The following IGF2R variants were observed in gnomAD, a reference collection of about 807,000 sequenced individuals.
IGF2R encodes the protein cation-independent mannose-6-phosphate receptor.
IGF2R carries 91 observed loss-of-function variants against 270.6 expected under a neutral mutation model. The observed-to-expected ratio is 0.34, with a 90% CI of 0.28 to 0.40. The LOEUF (loss-of-function observed/expected upper bound fraction) is 0.40. Ranked by LOEUF, IGF2R falls within the 10% of genes least tolerant of loss-of-function variation. IGF2R has a pLI of 1.00. For synonymous variants in IGF2R, 1,316 were observed against 1,258.9 expected, an observed-to-expected ratio of 1.05 and a Z score of -0.96; for missense variants, 2,805 against 3,188.3, an observed-to-expected ratio of 0.88 and a Z score of 2.90.
chr6:160,047,398 A>G lies in IGF2R; in HGVS notation c.2229+62A>G, dbSNP rs6413490. The G allele has an allele frequency of 2.1e-4, 291 of 1,365,014 alleles. 3 individuals carry two copies. The East Asian group carries it at 6.2e-3, about 29-fold the overall frequency. 84.6% of individuals were successfully genotyped at this position (1,365,014 alleles called of 1,614,324 possible). ...TACTCATGCCTGTGGTGGGCCTTTC[A>G]TTTAAGCAGAGCTTGTATCAGTCTG... On this transcript the variant is annotated intron_variant, in intron 16 of 47. Coordinates refer to ENST00000356956, the MANE Select transcript of IGF2R (RefSeq NM_000876.4).
chr6:160,084,322 A>G lies in IGF2R; in HGVS notation c.6068+138A>G. On this transcript the variant is annotated intron_variant, in intron 40 of 47. Coordinates refer to ENST00000356956, the MANE Select transcript of IGF2R (RefSeq NM_000876.4). The surrounding 1 kb of genome is among the most constrained non-coding windows in gnomAD (Gnocchi z 4.6). Reference sequence around the variant, plus strand: ...TGAGGCTGATGGTGGTTGAGTTGTGACTGTTCCTGGAAGCAGCCCGCAGTG... The same window carrying G: ...TGAGGCTGATGGTGGTTGAGTTGTGGCTGTTCCTGGAAGCAGCCCGCAGTG... The G allele has an allele frequency of 1.6e-6, 1 of 630,482 alleles. No individual in the cohort carries two copies. Among genetic ancestry groups the G allele is most frequent in the South Asian group, 1.9e-5 (1 of 52,564 alleles). 39.1% of individuals were successfully genotyped at this position (630,482 alleles called of 1,614,324 possible).
At chr6:159,986,398 A>ATTTTT (rs1367635413) in intron 1 of IGF2R, among the ~76,000 whole-genome samples, 6 of 123,828 alleles carry the variant, frequency 4.8e-5, no homozygotes, top group African/African-American at 1.9e-4. Context: ...TGCCTGGCTA[A>ATTTTT]TTTTTGTGTG....
intron 15 of IGF2R, 132 bp downstream of exon 15, chr6:160,046,777 T>C: frequency 1.0e-6 from 1 of 985,366 alleles, no homozygotes; most frequent in Non-Finnish European, 1.5e-6. Flanking sequence ...AGACCTGGTC[T>C]GAAAACTGAA....
At chr6:160,024,271 T>A (rs1169396018) in intron 4 of IGF2R, among the ~76,000 whole-genome samples, 3 of 152,132 alleles carry the variant, frequency 2.0e-5, no homozygotes, top group African/African-American at 7.2e-5. Flanking sequence ...GAAGGACGTT[T>A]GTGAGGTGGT....
Position 160,064,883 on chromosome 6 carries a change from T to C in IGF2R, c.4097T>C (p.Leu1366Pro). ...RTQYACPPFD[L>P]TECSFKDGAG... ...CAGTATGCCTGCCCACCTTTCGATCTGACTGAATGTTCATTCAAGTAAGTC... is the reference window on the plus strand; with the variant it reads ...CAGTATGCCTGCCCACCTTTCGATCCGACTGAATGTTCATTCAAGTAAGTC... The change falls in exon 29 of 48, where the codon CTG (leucine) becomes CCG (proline). Residue 1366 changes from leucine to proline, a missense_variant. By Grantham distance (98) the Leu-to-Pro change is moderately conservative. This residue lies in a region of IGF2R where 1,851 missense variants were observed against 2,207.2 expected (regional missense o/e 0.84). Transcript: ENST00000356956. The C allele has an allele frequency of 6.2e-7, 1 of 1,610,032 alleles. No homozygotes were observed. Among genetic ancestry groups the C allele is most frequent in the Non-Finnish European group, 8.5e-7 (1 of 1,176,114 alleles).
At chr6:160,036,669 A>G (rs370885646) in intron 10 of IGF2R, among the ~76,000 whole-genome samples, 11 of 152,188 alleles carry the variant, frequency 7.2e-5, no homozygotes, top group African/African-American at 2.7e-4. Context: ...AGGGCATTAT[A>G]TCGTTTCAGA....
intron 3 of IGF2R, among the ~76,000 whole-genome samples, chr6:160,010,093 A>G (rs1275478898): frequency 6.6e-6 from 1 of 152,200 alleles, no homozygotes; most frequent in Non-Finnish European, 1.5e-5. Flanking sequence ...TTCTGTGTTC[A>G]CCATACCAGA....
intron 4 of IGF2R, among the ~76,000 whole-genome samples, chr6:160,015,263 CT>C (rs1279431782): frequency 1.3e-5 from 2 of 152,178 alleles, no homozygotes; most frequent in African/African-American, 4.8e-5. Flanking sequence ...AAACTATCTA[CT>C]TTGAAATGAT....
At chr6:160,038,655 C>T (rs1777876642) in intron 10 of IGF2R, among the ~76,000 whole-genome samples, 1 of 152,122 alleles carries the variant, frequency 6.6e-6, no homozygotes, top group Non-Finnish European at 1.5e-5. Context: ...AGAGGCGCGT[C>T]ACTGTTGCTG....
At chr6:160,095,627 G>A (rs1442192538) in intron 44 of IGF2R, 1 of 152,174 alleles carries the variant, frequency 6.6e-6, no homozygotes, top group East Asian at 1.9e-4. Flanking sequence ...AGAAACAAGA[G>A]GTCTGGCACT....
chr6:160,053,309 A>T (rs1778240026), intron 19 of IGF2R, among the ~76,000 whole-genome samples: 1 of 152,140 alleles, frequency 6.6e-6, no homozygotes, highest in African/African-American at 2.4e-5. Flanking sequence ...GAAATACCTA[A>T]ATTAAATGAT....
intron 1 of IGF2R, among the ~76,000 whole-genome samples, chr6:159,981,936 C>T (rs2115174546): frequency 6.6e-6 from 1 of 152,318 alleles, no homozygotes; most frequent in South Asian, 2.1e-4. Flanking sequence ...TGACGTTTGG[C>T]ATTTCCCTGC....
intron 39 of IGF2R, 110 bp downstream of exon 39, chr6:160,080,385 T>C: frequency 4.6e-6 from 5 of 1,082,918 alleles, no homozygotes; most frequent in Non-Finnish European, 6.5e-6. Flanking sequence ...GGAATTCTCT[T>C]GCATAAAATA....
chr6:160,103,830 C>T lies in IGF2R; in HGVS notation c.7065+15C>T, dbSNP rs749587378. The T allele has an allele frequency of 3.3e-5, 53 of 1,589,122 alleles. No homozygotes were observed. Among genetic ancestry groups the T allele is most frequent in the Non-Finnish European group, 3.7e-5 (43 of 1,157,350 alleles). On this transcript the variant is annotated intron_variant, in intron 47 of 47. Coordinates refer to ENST00000356956, the MANE Select transcript of IGF2R (RefSeq NM_000876.4). ...AATACTCAAAGGTAATTTTCTGTGG[C>T]GAGTCTCTTGAAGGCCTGCCTCCCC...
At chr6:159,983,303 T>G (rs539340262) in intron 1 of IGF2R, among the ~76,000 whole-genome samples, 61 of 152,348 alleles carry the variant, frequency 4.0e-4, no homozygotes, top group African/African-American at 1.4e-3. Context: ...GTTAACCAGC[T>G]GACAGTCTGT....
chr6:160,002,215 A>AC (rs1465992355), intron 2 of IGF2R, among the ~76,000 whole-genome samples: 3 of 151,980 alleles, frequency 2.0e-5, no homozygotes, highest in Non-Finnish European at 4.4e-5. Flanking sequence ...ACATAGTGGA[A>AC]CCCCATCTCT....
chr6:160,010,832 G>A (rs1335345181), intron 4 of IGF2R, 47 bp downstream of exon 4: 2 of 1,124,196 alleles, frequency 1.8e-6, no homozygotes, highest in Non-Finnish European at 2.7e-6. Flanking sequence ...ATACTCTGGG[G>A]AACTTTATCT....
At chr6:160,074,996 A>G (rs1439655613) in intron 35 of IGF2R, among the ~76,000 whole-genome samples, 1 of 152,174 alleles carries the variant, frequency 6.6e-6, no homozygotes, top group East Asian at 1.9e-4. Context: ...GTAGAAAGTT[A>G]TTTAACTGGA....
intron 19 of IGF2R, among the ~76,000 whole-genome samples, chr6:160,055,559 T>G (rs1397018629): frequency 6.6e-6 from 1 of 152,062 alleles, no homozygotes; most frequent in East Asian, 1.9e-4. Context: ...TTTATTCTAC[T>G]GCTAGTGTTG....
Sources: allele counts gnomAD v4.1 joint callset (sites outside exome capture counted in the v4.1 genomes callset), GRCh38; gene constraint gnomAD v4.1.1; regional missense constraint gnomAD v4.1.1; non-coding constraint Gnocchi (gnomAD v3.1); transcripts MANE v1.5; gene names NCBI Gene and HGNC (gene_info 2026-07-23, HGNC 2026-07-21).